LRP2: variants seen among roughly 807,000 people sequenced by gnomAD.
LRP2 encodes low-density lipoprotein receptor-related protein 2.
A neutral mutation model predicts 531.0 loss-of-function variants in LRP2; 172 were observed. The observed-to-expected ratio is 0.32, with a 90% CI of 0.29 to 0.37. LRP2 has a LOEUF of 0.37. Ranked by LOEUF, LRP2 falls within the 10% of genes least tolerant of loss-of-function variation. LRP2 has a pLI of 1.00. For missense variants in LRP2, 5,167 were observed against 5,868.3 expected (o/e 0.88, Z 3.90); for synonymous variants, 1,992 against 2,027.6 (o/e 0.98, Z 0.47).
At chr2:169,159,104 C>A (rs377633828) in intron 63 of LRP2, among the ~76,000 whole-genome samples, 3 of 151,970 alleles carry the variant, frequency 2.0e-5, no homozygotes, top group Non-Finnish European at 4.4e-5. Context: ...GAAAAACTGG[C>A]GAAGATGAAC....
intron 52 of LRP2, 114 bp downstream of exon 52, chr2:169,181,334 C>T: frequency 2.9e-6 from 3 of 1,037,790 alleles, no homozygotes; most frequent in Non-Finnish European, 4.4e-6. Context: ...CCCCGAATGA[C>T]TTCCAACAGA....
rs990882283 is a variant in LRP2 at position 169,132,777 on chromosome 2, A to G, written c.13621-96T>C. On this transcript the variant is annotated intron_variant, in intron 76 of 78. Transcript: ENST00000649046. ...TGTACCAACTCTGGCTCTTTTTGCC[A>G]TCTTGTTCTCCCACAGACATCATCA... The G allele has an allele frequency of 3.0e-5, 22 of 743,226 alleles. No individual in the cohort carries two copies. In the African/African-American group the frequency reaches 3.6e-4, roughly 12 times the overall value. The allele number at this position is 743,226 out of a possible 1,614,324, so 46.0% of individuals were successfully genotyped here.
chr2:169,278,632 A>G (rs373493272), intron 12 of LRP2, among the ~76,000 whole-genome samples: 8 of 152,212 alleles, frequency 5.3e-5, no homozygotes, highest in East Asian at 3.8e-4. Flanking sequence ...TTCCATTCTG[A>G]GGCACAGAGA....
intron 68 of LRP2, among the ~76,000 whole-genome samples, chr2:169,148,106 G>A (rs1685984596): frequency 6.6e-6 from 1 of 152,202 alleles, no homozygotes; most frequent in Non-Finnish European, 1.5e-5. Context: ...AGACAAACTG[G>A]GCTCTGGAAA....
At chr2:169,263,464 A>G (rs1447778362) in intron 16 of LRP2, among the ~76,000 whole-genome samples, 1 of 151,500 alleles carries the variant, frequency 6.6e-6, no homozygotes, top group Non-Finnish European at 1.5e-5. Context: ...TCAAAAGAAG[A>G]CATTTATGCA....
At chr2:169,136,273 C>A (rs1351964887) in intron 76 of LRP2, among the ~76,000 whole-genome samples, 4 of 151,946 alleles carry the variant, frequency 2.6e-5, no homozygotes, top group Non-Finnish European at 4.4e-5. Context: ...CCCACTTGAG[C>A]AGCCCTGAGA....
chr2:169,149,073 A>T (rs1686029017), intron 68 of LRP2, among the ~76,000 whole-genome samples: 2 of 152,184 alleles, frequency 1.3e-5, no homozygotes, highest in Non-Finnish European at 2.9e-5. Flanking sequence ...TTTGTATCTT[A>T]TATTATAGTC....
At chr2:169,224,935 C>T (rs1446181768) in intron 33 of LRP2, among the ~76,000 whole-genome samples, 2 of 151,784 alleles carry the variant, frequency 1.3e-5, no homozygotes, top group Non-Finnish European at 2.9e-5. Context: ...ACTAAAAATA[C>T]AAAAAATTAA....
intron 76 of LRP2, among the ~76,000 whole-genome samples, chr2:169,136,549 G>T (rs568453514): frequency 6.6e-6 from 1 of 151,896 alleles, no homozygotes; most frequent in Non-Finnish European, 1.5e-5. Context: ...AGTGAAAATG[G>T]CCGGTCCTTG....
chr2:169,134,978 T>C (rs540442983), intron 76 of LRP2, among the ~76,000 whole-genome samples: 1 of 152,238 alleles, frequency 6.6e-6, no homozygotes, highest in Non-Finnish European at 1.5e-5. Context: ...TCCTTCACAT[T>C]AGTCACTCCC....
chr2:169,242,913 A>G (rs956097783), intron 24 of LRP2, 43 bp downstream of exon 24: 1 of 1,423,586 alleles, frequency 7.0e-7, no homozygotes. Context: ...GCAAAAATGA[A>G]ATGACCCCTT....
intron 31 of LRP2, among the ~76,000 whole-genome samples, chr2:169,227,150 C>A (rs1037395723): frequency 6.6e-6 from 1 of 152,188 alleles, no homozygotes; most frequent in African/African-American, 2.4e-5. Context: ...TAGTGTCTCT[C>A]TTCCCTATAA....
intron 1 of LRP2, among the ~76,000 whole-genome samples, chr2:169,343,793 A>G (rs888065027): frequency 3.9e-5 from 6 of 152,202 alleles, no homozygotes; most frequent in African/African-American, 1.4e-4. Context: ...AATAATAGGA[A>G]GAGCCCAGAA....
At chr2:169,188,732 T>C (rs1687725320) in intron 48 of LRP2, among the ~76,000 whole-genome samples, 1 of 152,156 alleles carries the variant, frequency 6.6e-6, no homozygotes, top group South Asian at 2.1e-4. Context: ...ATGTACTGGG[T>C]AATCACATGA....
chr2:169,134,927 C>T (rs1332635366), intron 76 of LRP2, among the ~76,000 whole-genome samples: 1 of 152,196 alleles, frequency 6.6e-6, no homozygotes, highest in East Asian at 1.9e-4. Context: ...GCTAAAAAAG[C>T]AGCTAGCGTT....
intron 24 of LRP2, among the ~76,000 whole-genome samples, chr2:169,241,683 T>G (rs189793776): frequency 3.9e-4 from 59 of 152,306 alleles, no homozygotes; most frequent in Admixed American, 1.0e-3. Flanking sequence ...AATTGCAGAT[T>G]CAATAATAAA....
At chr2:169,345,617 T>C (rs1685674746) in intron 1 of LRP2, among the ~76,000 whole-genome samples, 2 of 152,132 alleles carry the variant, frequency 1.3e-5, no homozygotes, top group African/African-American at 4.8e-5. Flanking sequence ...TACAGAACTG[T>C]GCACACACAC....
chr2:169,316,355 CT>C (rs980550882), intron 3 of LRP2, among the ~76,000 whole-genome samples: 2 of 152,098 alleles, frequency 1.3e-5, no homozygotes, highest in African/African-American at 4.8e-5. Flanking sequence ...TTGATTATAT[CT>C]TTCCTGTCAC....
At chr2:169,360,302 G>C (rs1277022256) in intron 1 of LRP2, among the ~76,000 whole-genome samples, 1 of 152,126 alleles carries the variant, frequency 6.6e-6, no homozygotes, top group Non-Finnish European at 1.5e-5. Context: ...GTAAAACAGT[G>C]ATAATAAGAG....
Sources: gnomAD v4.1 joint callset for allele counts (sites outside exome capture counted in the v4.1 genomes callset) on GRCh38, gnomAD v4.1.1 for gene constraint, MANE v1.5 for transcripts, NCBI Gene and HGNC (gene_info 2026-07-23, HGNC 2026-07-21) for gene names.